SOX5: variants seen among roughly 807,000 people sequenced by gnomAD.
SOX5 encodes SRY-box transcription factor 5, also known as transcription factor SOX-5.
In SOX5, 9 loss-of-function variants were observed where a neutral mutation model predicts 92.0. The ratio of observed to expected loss-of-function variants is 0.10; its 90% CI spans 0.06 to 0.17. The LOEUF (loss-of-function observed/expected upper bound fraction) is 0.17, where lower values mean the gene tolerates loss of function less well. SOX5 is among the 10% of genes least tolerant of loss of function. The pLI is 1.00. For synonymous variants in SOX5, 344 were observed against 336.3 expected (o/e 1.02, Z -0.25); for missense variants, 642 against 944.5 (o/e 0.68, Z 4.20).
At chr12:24,300,847 C>A (rs546129986) in intron 2 of SOX5, among the ~76,000 whole-genome samples, 2 of 152,282 alleles carry the variant, frequency 1.3e-5, no homozygotes, top group South Asian at 2.1e-4. Context: ...TTCTGCTATA[C>A]CATTTTGTCT....
At chr12:24,478,517 G>C (rs2137757912) in intron 1 of SOX5, among the ~76,000 whole-genome samples, 1 of 152,264 alleles carries the variant, frequency 6.6e-6, no homozygotes, top group South Asian at 2.1e-4. Context: ...CCAGATGACT[G>C]GGATGAGGGC....
At chr12:24,264,540 G>T (rs1942732467) in intron 3 of SOX5, among the ~76,000 whole-genome samples, 1 of 152,140 alleles carries the variant, frequency 6.6e-6, no homozygotes, top group Non-Finnish European at 1.5e-5. Flanking sequence ...AGTCAAATAG[G>T]TGAGTTCATT....
chr12:23,585,206 C>T (rs956360386), intron 9 of SOX5, among the ~76,000 whole-genome samples: 8 of 152,140 alleles, frequency 5.3e-5, no homozygotes, highest in Admixed American at 3.3e-4. Context: ...AAATGTATCC[C>T]TCCATATTTA....
At chr12:24,459,879 T>C (rs963297935) in intron 1 of SOX5, among the ~76,000 whole-genome samples, 1 of 152,166 alleles carries the variant, frequency 6.6e-6, no homozygotes, top group Non-Finnish European at 1.5e-5. Flanking sequence ...ACATATTAAT[T>C]TTTAGTTATC....
At chr12:23,884,988 C>T (rs1404405332) in intron 2 of SOX5, among the ~76,000 whole-genome samples, 1 of 152,160 alleles carries the variant, frequency 6.6e-6, no homozygotes, top group African/African-American at 2.4e-5. Flanking sequence ...AGGCTTTCAA[C>T]ATTGCTTTTT....
At chr12:23,878,202 T>C (rs954908693) in intron 2 of SOX5, among the ~76,000 whole-genome samples, 3 of 152,088 alleles carry the variant, frequency 2.0e-5, no homozygotes, top group Non-Finnish European at 4.4e-5. Context: ...TTAAAAGCTT[T>C]CAAGTGATCT....
At chr12:24,271,263 C>T (rs1288951185) in intron 3 of SOX5, among the ~76,000 whole-genome samples, 1 of 152,186 alleles carries the variant, frequency 6.6e-6, no homozygotes, top group Non-Finnish European at 1.5e-5. Flanking sequence ...CTCCTGGCTA[C>T]TACTGAGACT....
chr12:23,740,314 T>C (rs2140990231), intron 5 of SOX5, among the ~76,000 whole-genome samples: 1 of 152,330 alleles, frequency 6.6e-6, no homozygotes, highest in South Asian at 2.1e-4. Context: ...TCCTTTCCCT[T>C]TTGCCTACTC....
intron 4 of SOX5, among the ~76,000 whole-genome samples, chr12:23,747,961 TA>T (rs35270726): frequency 1.2e-3 from 174 of 140,120 alleles, no homozygotes; most frequent in Middle Eastern, 3.7e-3. Flanking sequence ...TGAAAGAGAT[TA>T]AAAAAAAAAA....
intron 4 of SOX5, among the ~76,000 whole-genome samples, chr12:24,013,352 G>A (rs552742238): frequency 6.6e-6 from 1 of 152,136 alleles, no homozygotes; most frequent in South Asian, 2.1e-4. Flanking sequence ...AAGAGGTATT[G>A]AGAACATGTC....
chr12:23,577,437 G>A (rs755578884), intron 9 of SOX5, among the ~76,000 whole-genome samples: 5 of 151,708 alleles, frequency 3.3e-5, no homozygotes, highest in Non-Finnish European at 7.4e-5. Flanking sequence ...GACCTCAAGT[G>A]ATCTGCCTGC....
At chr12:24,339,634 G>T (rs1952347636) in intron 2 of SOX5, among the ~76,000 whole-genome samples, 1 of 152,118 alleles carries the variant, frequency 6.6e-6, no homozygotes, top group South Asian at 2.1e-4. Flanking sequence ...ACAAAGAAAT[G>T]ATTGTATAAA....
intron 1 of SOX5, among the ~76,000 whole-genome samples, chr12:24,450,642 GCAC>G (rs1172549832): frequency 3.3e-5 from 5 of 151,962 alleles, no homozygotes; most frequent in Non-Finnish European, 5.9e-5. Context: ...CTACAGGCAT[GCAC>G]CACCACACCT....
chr12:23,633,976 G>A (rs2078889571), intron 8 of SOX5, among the ~76,000 whole-genome samples: 1 of 151,312 alleles, frequency 6.6e-6, no homozygotes, highest in Admixed American at 6.6e-5. Context: ...AAGAGCAGGA[G>A]AGACAGAGAG....
At chr12:24,468,007 A>G (rs1944407731) in intron 1 of SOX5, among the ~76,000 whole-genome samples, 1 of 152,230 alleles carries the variant, frequency 6.6e-6, no homozygotes, top group African/African-American at 2.4e-5. Flanking sequence ...TAGAATTTCA[A>G]GTGGAAATGG....
At chr12:23,823,893 C>G (rs117412715) in intron 3 of SOX5, among the ~76,000 whole-genome samples, 11 of 152,098 alleles carry the variant, frequency 7.2e-5, no homozygotes, top group Admixed American at 3.3e-4. Flanking sequence ...GCCTTTCTTT[C>G]GTTTATTTGA....
At chr12:24,274,672 GAAA>G (rs11394481) in intron 3 of SOX5, among the ~76,000 whole-genome samples, 1 of 146,204 alleles carries the variant, frequency 6.8e-6, no homozygotes, top group Middle Eastern at 3.3e-3. Context: ...GTTTTGAAAG[GAAA>G]AAAAAAAAAA....
At chr12:24,226,193 C>G (rs963082756) in intron 3 of SOX5, among the ~76,000 whole-genome samples, 9 of 151,958 alleles carry the variant, frequency 5.9e-5, no homozygotes, top group African/African-American at 2.2e-4. Flanking sequence ...CAAAAAAAAA[C>G]TATGTAAGAT....
chr12:23,932,144 G>C (rs745764714), intron 1 of SOX5, among the ~76,000 whole-genome samples: 6 of 151,386 alleles, frequency 4.0e-5, no homozygotes, highest in South Asian at 2.1e-4. Context: ...ACAATCTTAA[G>C]TGATATAAAA....
Sources: gnomAD v4.1 joint callset for allele counts (sites outside exome capture counted in the v4.1 genomes callset) on GRCh38, gnomAD v4.1.1 for gene constraint, MANE v1.5 for transcripts, NCBI Gene and HGNC (gene_info 2026-07-23, HGNC 2026-07-21) for gene names.